Variants in MAP2K4 observed in about 807,000 individuals in gnomAD.
MAP2K4 encodes the protein mitogen-activated protein kinase kinase 4, also known as dual specificity mitogen-activated protein kinase kinase 4.
MAP2K4 carries 4 observed loss-of-function variants against 48.5 expected under a neutral mutation model. The ratio of observed to expected loss-of-function variants is 0.08; its 90% CI spans 0.04 to 0.19. MAP2K4 has a LOEUF of 0.19. Among genes scored for constraint, MAP2K4 ranks in the 10% least tolerant of loss-of-function variants. The pLI is 1.00. For missense variants in MAP2K4, 258 were observed against 493.3 expected (o/e 0.52, Z 4.52); for synonymous variants, 166 against 173.1 (o/e 0.96, Z 0.32).
chr17:12,125,019 C>T (rs73300466), intron 7 of MAP2K4: 5 of 397,818 alleles, frequency 1.3e-5, no homozygotes, highest in African/African-American at 2.0e-5. Flanking sequence ...CTTTGTCTCC[C>T]TCTTCCCTCA....
At chr17:12,133,880 C>T (rs1245231829) in intron 9 of MAP2K4, among the ~76,000 whole-genome samples, 1 of 152,156 alleles carries the variant, frequency 6.6e-6, no homozygotes, top group Non-Finnish European at 1.5e-5. Flanking sequence ...CAGTAAAGCT[C>T]GATCCTGAAA....
intron 1 of MAP2K4, among the ~76,000 whole-genome samples, chr17:12,040,267 C>G (rs576193329): frequency 6.8e-6 from 1 of 147,640 alleles, no homozygotes; most frequent in South Asian, 2.1e-4. Context: ...TGTATCCAGC[C>G]AAAAAAAGAC....
chr17:12,143,821 A>G lies in MAP2K4; in HGVS notation c.*2561A>G, dbSNP rs1203072758. The stretch of plus-strand genomic sequence containing the variant: ...TTAAATTATCTGTGCATTTCACACC[A>G]GGGAAAATGACCTCCTTTTGGAAGT... On this transcript the variant is annotated 3_prime_UTR_variant, in exon 11 of 11. Transcript: ENST00000353533. The G allele has an allele frequency of 4.5e-6, 1 of 221,978 alleles. No individual in the cohort carries two copies. The highest frequency in any genetic ancestry group is 2.2e-5 in the African/African-American group (1 of 44,784). 13.8% of individuals were successfully genotyped at this position (221,978 alleles called of 1,614,324 possible). A position where few individuals can be genotyped will look rare whatever the true frequency, so the allele number is the denominator to read the frequency against.
At chr17:12,135,495 G>C (rs1036604153) in intron 9 of MAP2K4, among the ~76,000 whole-genome samples, 7 of 152,354 alleles carry the variant, frequency 4.6e-5, no homozygotes, top group African/African-American at 1.4e-4. Flanking sequence ...GCTTCCCGGA[G>C]TATTGGGATT....
chr17:12,028,288 T>C (rs1446163841), intron 1 of MAP2K4, among the ~76,000 whole-genome samples: 1 of 152,066 alleles, frequency 6.6e-6, no homozygotes, highest in Non-Finnish European at 1.5e-5. Flanking sequence ...ATTTAAAAAG[T>C]GTGGAAGGGA....
intron 1 of MAP2K4, among the ~76,000 whole-genome samples, chr17:12,049,172 C>T (rs767314430): frequency 1.3e-5 from 2 of 152,126 alleles, no homozygotes; most frequent in Non-Finnish European, 2.9e-5. Context: ...GGTAATCTTT[C>T]TGTTTTGAAA....
intron 8 of MAP2K4, among the ~76,000 whole-genome samples, chr17:12,128,805 A>G (rs1972939222): frequency 6.6e-6 from 1 of 152,170 alleles, no homozygotes; most frequent in Non-Finnish European, 1.5e-5. Flanking sequence ...TAGTTCTAAA[A>G]CCAGTCTTCC....
chr17:12,052,113 T>TGA (rs2151524048), intron 1 of MAP2K4, among the ~76,000 whole-genome samples: 1 of 152,294 alleles, frequency 6.6e-6, no homozygotes, highest in South Asian at 2.1e-4. Flanking sequence ...GGTACACAGA[T>TGA]GAGACCCAGC....
At chr17:12,121,743 TCA>T (rs985341785) in intron 7 of MAP2K4, among the ~76,000 whole-genome samples, 3 of 152,218 alleles carry the variant, frequency 2.0e-5, no homozygotes, top group African/African-American at 7.2e-5. Context: ...ATGATTAGAT[TCA>T]GACTACAACT....
chr17:12,119,478 T>G (rs1265440872), intron 7 of MAP2K4, among the ~76,000 whole-genome samples: 1 of 152,136 alleles, frequency 6.6e-6, no homozygotes, highest in African/African-American at 2.4e-5. Context: ...TTAAAAAATG[T>G]CAAAACAACA....
At chr17:12,079,623 A>G (rs1025208282) in intron 2 of MAP2K4, among the ~76,000 whole-genome samples, 1 of 152,200 alleles carries the variant, frequency 6.6e-6, no homozygotes, top group African/African-American at 2.4e-5. Context: ...TCTGATTTAC[A>G]AGTAATTTTA....
chr17:12,054,745 C>A, intron 1 of MAP2K4, 144 bp from the exon 2 acceptor site: 1 of 497,026 alleles, frequency 2.0e-6, no homozygotes, highest in South Asian at 4.1e-5. Context: ...TAAGAAATTC[C>A]TCATTGCCTT....
intron 1 of MAP2K4, among the ~76,000 whole-genome samples, chr17:12,023,392 A>G (rs1254653187): frequency 6.6e-6 from 1 of 152,166 alleles, no homozygotes; most frequent in African/African-American, 2.4e-5. Flanking sequence ...CCCATACTGT[A>G]CTTCATCTGC....
At chr17:12,056,641 A>G (rs1475496087) in intron 2 of MAP2K4, among the ~76,000 whole-genome samples, 2 of 152,044 alleles carry the variant, frequency 1.3e-5, no homozygotes, top group Non-Finnish European at 2.9e-5. Flanking sequence ...TTTTTATTGT[A>G]CAGGTCAATT....
At chr17:12,050,286 T>G (rs2151522688) in intron 1 of MAP2K4, among the ~76,000 whole-genome samples, 1 of 152,330 alleles carries the variant, frequency 6.6e-6, no homozygotes, top group South Asian at 2.1e-4. Context: ...AAATATTTGT[T>G]GAACTGCTGT....
At chr17:12,107,150 G>T (rs1236404790) in intron 4 of MAP2K4, among the ~76,000 whole-genome samples, 2 of 152,084 alleles carry the variant, frequency 1.3e-5, no homozygotes, top group Non-Finnish European at 1.5e-5. Context: ...TTGAGTCTTT[G>T]TTCTGGCAGA....
At chr17:12,040,963 G>A (rs1158281861) in intron 1 of MAP2K4, among the ~76,000 whole-genome samples, 1 of 152,050 alleles carries the variant, frequency 6.6e-6, no homozygotes, top group Non-Finnish European at 1.5e-5. Context: ...CAACTAATTT[G>A]CTCTTTTGAT....
intron 9 of MAP2K4, among the ~76,000 whole-genome samples, chr17:12,133,800 C>G (rs1423291640): frequency 6.6e-6 from 1 of 152,150 alleles, no homozygotes; most frequent in Admixed American, 6.5e-5. Flanking sequence ...ATATACAACT[C>G]TGTAGCTTGG....
intron 2 of MAP2K4, among the ~76,000 whole-genome samples, chr17:12,074,152 C>A (rs2151542427): frequency 6.6e-6 from 1 of 152,212 alleles, no homozygotes; most frequent in East Asian, 1.9e-4. Context: ...ATACTCTATC[C>A]ATCCTTTCGT....
Sources: gnomAD v4.1 joint callset for allele counts (sites outside exome capture counted in the v4.1 genomes callset) on GRCh38, gnomAD v4.1.1 for gene constraint, MANE v1.5 for transcripts, NCBI Gene and HGNC (gene_info 2026-07-23, HGNC 2026-07-21) for gene names.